PLD4: variants seen among roughly 807,000 people sequenced by gnomAD.
PLD4 encodes the protein phospholipase D family member 4, also known as 5'-3' exonuclease PLD4.
In PLD4, 54 loss-of-function variants were observed where a neutral mutation model predicts 52.3. The observed-to-expected ratio is 1.03, with a 90% confidence interval of 0.83 to 1.30. The LOEUF (loss-of-function observed/expected upper bound fraction) is 1.30. PLD4 is among the 50% of genes most tolerant of loss of function. PLD4 has a pLI of 0.00. For synonymous variants in PLD4, 264 were observed against 286.5 expected, an observed-to-expected ratio of 0.92 and a Z score of 0.79; for missense variants, 731 against 671.1, an observed-to-expected ratio of 1.09 and a Z score of -0.99.
Position 104,928,747 on chromosome 14 carries a change from A to G in PLD4, c.285-2A>G. ...CTGAGCCCAGTGTGGCTCTCCCCAC[A>G]GGCTTGTCCTTGTGGAAAGCATCCC... is the stretch of plus-strand genomic sequence containing the variant. On this transcript the variant is annotated splice_acceptor_variant, in intron 3 of 10. Transcript: ENST00000392593. LOFTEE classifies it high-confidence loss of function. The G allele has an allele frequency of 6.4e-7, 1 of 1,572,798 alleles. No homozygotes were observed. Among genetic ancestry groups the G allele is most frequent in the Non-Finnish European group, 8.7e-7 (1 of 1,153,884 alleles).
rs750901959 is a variant in PLD4, at chr14:104,932,061, GGCGTGC to G, written c.1117_1122del (p.Val373_Arg374del). On this transcript the variant is annotated inframe_deletion, in exon 9 of 11. Transcript: ENST00000392593. This position sits in a 1 kb window ranked among gnomAD's most constrained non-coding sequence, Gnocchi z 6.5. The stretch of plus-strand genomic sequence containing the variant: ...GCTGCGGGCGGCAGCCTTCGGCAAG[GGCGTGC>G]GCGTGCGCCTGCTGGTCGGCTGCGG... 1 of 1,608,504 alleles carries G rather than the reference GGCGTGC, an allele frequency of 6.2e-7. No homozygotes were observed. Among genetic ancestry groups the G allele is most frequent in the Non-Finnish European group, 8.5e-7 (1 of 1,178,904 alleles).
At position 104,931,090 on chromosome 14, in the gene PLD4, C is replaced by T. The variant is rs549959879; in HGVS notation, c.918+148C>T. 9.1e-6 allele frequency: 8 copies of T among 881,704 alleles called. No homozygotes were observed. The East Asian group carries it at 2.1e-4, about 23-fold the overall frequency. The allele number at this position is 881,704 out of a possible 1,614,324, so 54.6% of individuals were successfully genotyped here. A position where few individuals can be genotyped will look rare whatever the true frequency, so the allele number is the denominator to read the frequency against. ...CCAGCACCATGGGTGGGGCTGTGGC[C>T]CTGGGGTGAGCAGCAAGCAGGCTGG... On this transcript the variant is annotated intron_variant, in intron 7 of 10. Coordinates refer to ENST00000392593, the MANE Select transcript of PLD4 (RefSeq NM_138790.5).
chr14:104,926,834 C>T (rs1897471209), intron 1 of PLD4, among the ~76,000 whole-genome samples: 1 of 152,232 alleles, frequency 6.6e-6, no homozygotes, highest in Admixed American at 6.5e-5. Flanking sequence ...CACAGACGCC[C>T]GCCCGCCCCT....
At chr14:104,927,466 C>T (rs1897494179) in intron 2 of PLD4, among the ~76,000 whole-genome samples, 1 of 152,188 alleles carries the variant, frequency 6.6e-6, no homozygotes, top group Admixed American at 6.5e-5. Context: ...GGGCTGCAGG[C>T]CCCCTGACCC....
At chr14:104,934,988 T>C (rs1385018223), downstream of PLD4, 2 of 152,256 alleles carry the variant, frequency 1.3e-5, no homozygotes, top group Admixed American at 1.3e-4. Context: ...CTTCAGGAGC[T>C]TCTGGGGGCT....
downstream of PLD4, chr14:104,935,786 C>A (rs1566892719): frequency 6.6e-6 from 1 of 152,196 alleles, no homozygotes; most frequent in African/African-American, 2.4e-5. Context: ...CCCCAACTAG[C>A]AAGAAACTGG....
chr14:104,927,245 C>A lies in PLD4; in HGVS notation c.90+15C>A. The A allele has an allele frequency of 6.5e-7, 1 of 1,527,992 alleles. No individual in the cohort carries two copies. The highest frequency in any genetic ancestry group is 8.8e-7 in the Non-Finnish European group (1 of 1,135,596). 94.7% of individuals were successfully genotyped at this position (1,527,992 alleles called of 1,614,324 possible). A position where few individuals can be genotyped will look rare whatever the true frequency, so the allele number is the denominator to read the frequency against. ...AGGCTGGCACGGTAGGACTGGGGGG[C>A]CCCAGGGGGGAGGTGGCTGGGATCA... is the stretch of plus-strand genomic sequence containing the variant. On this transcript the variant is annotated intron_variant, in intron 2 of 10. Coordinates refer to ENST00000392593, the MANE Select transcript of PLD4 (RefSeq NM_138790.5).
At position 104,933,120 on chromosome 14, in the gene PLD4, C is replaced by T; in HGVS notation, c.*156C>T. The T allele has an allele frequency of 1.2e-6, 1 of 827,692 alleles. No homozygotes were observed. The allele number at this position is 827,692 out of a possible 1,614,324, so 51.3% of individuals were successfully genotyped here. On this transcript the variant is annotated 3_prime_UTR_variant, in exon 11 of 11. Transcript: ENST00000392593. ...CCGGGCGTCGCAAACCGCCCGCCTGCTCTCTGATTTCCGAGTCCAGCCCCC... is the reference window on the plus strand; with the variant it reads ...CCGGGCGTCGCAAACCGCCCGCCTGTTCTCTGATTTCCGAGTCCAGCCCCC...
downstream of PLD4, chr14:104,935,077 A>G (rs1017993221): frequency 6.6e-6 from 1 of 152,268 alleles, no homozygotes; most frequent in African/African-American, 2.4e-5. Context: ...CCTATCCCTC[A>G]TTCATGCTCC....
intron 5 of PLD4, 112 bp downstream of exon 5, chr14:104,929,539 T>TC: frequency 7.0e-7 from 1 of 1,418,556 alleles, no homozygotes; most frequent in South Asian, 1.5e-5. Context: ...GCCCTGGACT[T>TC]CCCTAGGACA....
Position 104,932,237 on chromosome 14 carries a change from G to T in PLD4, c.1225-22G>T. 6.2e-7 allele frequency: 1 copy of T among 1,612,502 alleles called. No individual in the cohort carries two copies. Among genetic ancestry groups the T allele is most frequent in the Non-Finnish European group, 8.5e-7 (1 of 1,179,718 alleles). On this transcript the variant is annotated intron_variant, in intron 9 of 10. Transcript: ENST00000392593. This position sits in a 1 kb window ranked among gnomAD's most constrained non-coding sequence, Gnocchi z 6.5. ...CGGCCCTCCTGCCGCCCTTCCTGAC[G>T]CGCTGCCTCTGCTCCCCTAAGAAAG...
intron 1 of PLD4, among the ~76,000 whole-genome samples, chr14:104,926,104 C>A (rs1280611584): frequency 6.6e-6 from 1 of 152,024 alleles, no homozygotes; most frequent in Admixed American, 6.5e-5. Flanking sequence ...GGGTGGACAG[C>A]CGACCCACCG....
rs1240837824 is a variant in PLD4, at chr14:104,932,184, G to A, written c.1224+7G>A. 6.2e-7 allele frequency: 1 copy of A among 1,611,786 alleles called. No individual in the cohort carries two copies. The highest frequency in any genetic ancestry group is 2.2e-5 in the East Asian group (1 of 44,868). On this transcript the variant is annotated splice_region_variant and intron_variant, in intron 9 of 10. Transcript: ENST00000392593. The surrounding 1 kb of genome is among the most constrained non-coding windows in gnomAD (Gnocchi z 6.5). ...CAACGTCTCTGTGGACGTGGTGAGG[G>A]CGTGCTCCCGGCCGGGCGTGGGAAA... is the stretch of plus-strand genomic sequence containing the variant.
downstream of PLD4, chr14:104,934,967 C>G (rs897031123): frequency 6.6e-6 from 1 of 152,250 alleles, no homozygotes; most frequent in African/African-American, 2.4e-5. Context: ...ATCCACATAG[C>G]CCTGCAAGGC....
rs1257015106 is a variant in PLD4, at chr14:104,931,848, T to C, written c.1019T>C (p.Met340Thr). 6.4e-7 allele frequency: 1 copy of C among 1,560,604 alleles called. No homozygotes were observed. The highest frequency in any genetic ancestry group is 8.7e-7 in the Non-Finnish European group (1 of 1,151,332). ...CAGGAGTTCATCTATGCCTCCGTGA[T>C]GGAGTATTTCCCCACCACGCGCTTC... Reference protein sequence around the residue: ...SAQEFIYASVMEYFPTTRFSH... With the variant: ...SAQEFIYASVTEYFPTTRFSH... The change falls in exon 8 of 11, where the codon ATG becomes ACG. Residue 340 changes from methionine to threonine, a missense_variant. Coordinates refer to ENST00000392593, the MANE Select transcript of PLD4 (RefSeq NM_138790.5).
chr14:104,935,460 G>A (rs1389031583), downstream of PLD4: 1 of 152,276 alleles, frequency 6.6e-6, no homozygotes, highest in African/African-American at 2.4e-5. Context: ...GACCCCAGGA[G>A]GGTGCCACAA....
chr14:104,930,683 G>A (rs1273364967), intron 6 of PLD4, 59 bp from the exon 7 acceptor site: 3 of 1,573,870 alleles, frequency 1.9e-6, no homozygotes, highest in Admixed American at 3.3e-5. Flanking sequence ...TGGGTGGAGT[G>A]GGGTGGAGGC....
At chr14:104,926,687 G>A (rs965039304) in intron 1 of PLD4, among the ~76,000 whole-genome samples, 2 of 152,240 alleles carry the variant, frequency 1.3e-5, no homozygotes, top group Non-Finnish European at 2.9e-5. Context: ...AGGACCAAGC[G>A]ACAAAAGCAG....
rs1784414609 is a variant in PLD4 at position 104,932,937 on chromosome 14, G to A, written c.1494G>A (p.Pro498=). 1 of 1,597,440 alleles carries A rather than the reference G, an allele frequency of 6.3e-7. No homozygotes were observed. The highest frequency in any genetic ancestry group is 8.5e-7 in the Non-Finnish European group (1 of 1,173,566). Residue 498 remains proline (P), a synonymous_variant, in exon 11 of 11, where the codon CCG becomes CCA. Coordinates refer to ENST00000392593, the MANE Select transcript of PLD4 (RefSeq NM_138790.5). This position sits in a 1 kb window ranked among gnomAD's most constrained non-coding sequence, Gnocchi z 6.5. ...CCGTCGGCCTGGACGGACAGGCTCC[G>A]GGCCAGGACTGCGTTTGGCAGGGCT... is the stretch of plus-strand genomic sequence containing the variant. ...RYAVGLDGQA[P]GQDCVWQG
Sources: gnomAD v4.1 joint callset for allele counts (sites outside exome capture counted in the v4.1 genomes callset) on GRCh38, gnomAD v4.1.1 for gene constraint, Gnocchi (gnomAD v3.1) non-coding constraint, MANE v1.5 for transcripts, NCBI Gene and HGNC (gene_info 2026-07-23, HGNC 2026-07-21) for gene names.